The following HKDC1 variants were observed in gnomAD, a reference collection of about 807,000 sequenced individuals.
HKDC1 encodes the protein hexokinase domain containing 1, also known as hexokinase HKDC1.
In HKDC1, 66 loss-of-function variants were observed where a neutral mutation model predicts 96.6. The ratio of observed to expected loss-of-function variants is 0.68; its 90% CI spans 0.56 to 0.84. HKDC1 has a LOEUF of 0.84. HKDC1 is among the 40% of genes least tolerant of loss of function. The pLI, the probability that HKDC1 is intolerant of heterozygous loss-of-function variation, is 0.00. For synonymous variants in HKDC1, 466 were observed against 473.1 expected (o/e 0.98, Z 0.20); for missense variants, 1,211 against 1,208.1 (o/e 1.00, Z -0.04).
chr10:69,261,487 T>A, intron 16 of HKDC1, 193 bp downstream of exon 16: 1 of 552,398 alleles, frequency 1.8e-6, no homozygotes, highest in Non-Finnish European at 3.2e-6. Context: ...ATGGCCAAAC[T>A]GGGCTCATCT....
At position 69,258,845 on chromosome 10, in the gene HKDC1, A is replaced by G; in HGVS notation, c.2102A>G (p.Lys701Arg). 6.2e-7 allele frequency: 1 copy of G among 1,614,090 alleles called. No individual in the cohort carries two copies. Among genetic ancestry groups the G allele is most frequent in the Non-Finnish European group, 8.5e-7 (1 of 1,179,988 alleles). Residue 701 changes from lysine to arginine, a missense_variant, in exon 15 of 18, where the codon AAG (lysine) becomes AGG (arginine). By Grantham distance (26) the Lys-to-Arg change is conservative (BLOSUM62 2). Transcript: ENST00000354624. ...GAGATGGTGGAGGGGGGTGAAGGGA[A>G]GATGTGCATCAATACAGAGTGGGGA... ...NIEMVEGGEG[K>R]MCINTEWGGF... is the part of the protein sequence containing the mutation.
intron 8 of HKDC1, 139 bp from the exon 9 acceptor site, chr10:69,247,221 T>C: frequency 1.6e-6 from 1 of 627,272 alleles, no homozygotes; most frequent in South Asian, 1.9e-5. Flanking sequence ...ACTATCAATG[T>C]TGATATTGTT....
chr10:69,235,682 C>T (rs985799748), intron 4 of HKDC1, among the ~76,000 whole-genome samples: 1 of 152,150 alleles, frequency 6.6e-6, no homozygotes, highest in African/African-American at 2.4e-5. Context: ...AATTCTCAAG[C>T]TCTGTGAGAA....
At chr10:69,249,824 T>C (rs1207731949) in intron 10 of HKDC1, among the ~76,000 whole-genome samples, 2 of 152,210 alleles carry the variant, frequency 1.3e-5, no homozygotes, top group African/African-American at 4.8e-5. Context: ...ATAAGAATCA[T>C]GCATTTCCTT....
chr10:69,263,492 C>A (rs1843842603), intron 16 of HKDC1, among the ~76,000 whole-genome samples: 1 of 152,148 alleles, frequency 6.6e-6, no homozygotes, highest in Admixed American at 6.5e-5. Flanking sequence ...GACTGCAGCC[C>A]ATTTCAAAGC....
At position 69,248,692 on chromosome 10, in the gene HKDC1, C is replaced by T. The variant is rs142278907; in HGVS notation, c.1534C>T (p.Leu512=). The T allele has an allele frequency of 2.5e-6, 4 of 1,613,118 alleles. No homozygotes were observed. Among genetic ancestry groups the T allele is most frequent in the Non-Finnish European group, 3.4e-6 (4 of 1,179,384 alleles). ...CCACGGGCTGGCCACGGTCAGGATG[C>T]TGCCCACCTACGTCTGCGGGCTGCC... ...KSHGLATVRM[L]PTYVCGLPDG... is the part of the protein sequence containing the mutation. The change falls in exon 10 of 18, where the codon CTG becomes TTG. Residue 512 remains leucine, a synonymous_variant. Coordinates refer to ENST00000354624, the MANE Select transcript of HKDC1 (RefSeq NM_025130.4).
intron 10 of HKDC1, among the ~76,000 whole-genome samples, chr10:69,249,884 C>T (rs757156863): frequency 6.6e-6 from 1 of 152,172 alleles, no homozygotes; most frequent in Non-Finnish European, 1.5e-5. Context: ...GGCTGTCAGT[C>T]AGTGAAGCTG....
rs1843286715 is a variant in HKDC1 at position 69,232,746 on chromosome 10, G to A, written c.227-18G>A. ...AGTAGACCCTCAATAAATGGAAACT[G>A]AATTTGTTTCTTAATAGAAAATGGG... On this transcript the variant is annotated intron_variant, in intron 2 of 17. Transcript: ENST00000354624. The A allele has an allele frequency of 6.2e-7, 1 of 1,613,150 alleles. No homozygotes were observed. The highest frequency in any genetic ancestry group is 8.5e-7 in the Non-Finnish European group (1 of 1,179,270).
chr10:69,250,771 C>T (rs1008902243), intron 12 of HKDC1, 119 bp downstream of exon 12: 2 of 1,071,522 alleles, frequency 1.9e-6, no homozygotes. Context: ...TTCAGGGCAG[C>T]TGGGAACACA....
At position 69,248,520 on chromosome 10, in the gene HKDC1, C is replaced by T. The variant is rs748926850; in HGVS notation, c.1362C>T (p.Ala454=). Residue 454 remains alanine, a synonymous_variant, in exon 10 of 18, where the codon GCC becomes GCT. Transcript: ENST00000354624. ...LSESGSTKGA[A]MVTAVASRVQ... ...AGAGTGGCAGCACCAAGGGGGCCGC[C>T]ATGGTGACCGCGGTGGCCTCCCGCG... 4 of 1,613,552 alleles carry T rather than the reference C, an allele frequency of 2.5e-6. No homozygotes were observed. In the East Asian group the frequency reaches 6.7e-5, roughly 27 times the overall value.
rs772902487 is a variant in HKDC1, at chr10:69,240,683, A to G, written c.623A>G (p.Asn208Ser). The G allele has an allele frequency of 3.1e-6, 5 of 1,614,024 alleles. No individual in the cohort carries two copies. The highest frequency in any genetic ancestry group is 1.1e-5 in the South Asian group (1 of 91,070). The change falls in exon 6 of 18, where the codon AAT becomes AGT. Residue 208 changes from asparagine (N) to serine (S), a missense_variant. Physicochemically the swap from Asn to Ser is conservative, Grantham distance 46. Transcript: ENST00000354624. ...DMDVDILALVNDTVGTMMTCA... is the reference protein window; with the variant it reads ...DMDVDILALVSDTVGTMMTCA... ...GACGTGGACATCCTGGCCCTGGTCAATGACACCGTGGGGACCATGATGACC... is the reference window on the plus strand; with the variant it reads ...GACGTGGACATCCTGGCCCTGGTCAGTGACACCGTGGGGACCATGATGACC...
At chr10:69,256,581 G>A (rs555493570) in intron 12 of HKDC1, among the ~76,000 whole-genome samples, 97 of 152,276 alleles carry the variant, frequency 6.4e-4, no homozygotes, top group African/African-American at 2.2e-3. Flanking sequence ...GGTGGCACAT[G>A]CCAGTAATCC....
chr10:69,251,347 C>T (rs375059109), intron 12 of HKDC1, among the ~76,000 whole-genome samples: 35 of 152,050 alleles, frequency 2.3e-4, no homozygotes, highest in African/African-American at 7.2e-4. Context: ...CTACCTGTCT[C>T]GGCCTCCCAA....
At chr10:69,228,942 G>GAGAA (rs543794293) in intron 2 of HKDC1, among the ~76,000 whole-genome samples, 3 of 151,240 alleles carry the variant, frequency 2.0e-5, no homozygotes, top group Non-Finnish European at 4.4e-5. Flanking sequence ...AAAGAAGAAA[G>GAGAA]AGAAAGAAAG....
chr10:69,222,484 C>T (rs1201003467), intron 1 of HKDC1, among the ~76,000 whole-genome samples: 2 of 152,226 alleles, frequency 1.3e-5, no homozygotes, highest in African/African-American at 2.4e-5. Flanking sequence ...CTCCCACCCC[C>T]AAGGGGGAGC....
At position 69,250,560 on chromosome 10, in the gene HKDC1, G is replaced by T. The variant is rs780647583; in HGVS notation, c.1744G>T (p.Ala582Ser). ...ELFDHIVQCIADFLDYMGLKG... is the reference protein window; with the variant it reads ...ELFDHIVQCISDFLDYMGLKG... ...CTTTGATCACATTGTGCAGTGCATC[G>T]CCGACTTCCTGGACTACATGGGCCT... is the stretch of plus-strand genomic sequence containing the variant. Residue 582 changes from alanine to serine, a missense_variant, in exon 12 of 18, where the codon GCC (alanine) becomes TCC (serine). Transcript: ENST00000354624. 2.5e-6 allele frequency: 4 copies of T among 1,613,900 alleles called. No individual in the cohort carries two copies. Among genetic ancestry groups the T allele is most frequent in the Non-Finnish European group, 3.4e-6 (4 of 1,180,022 alleles).
At chr10:69,251,164 G>A (rs1182137173) in intron 12 of HKDC1, among the ~76,000 whole-genome samples, 10 of 141,444 alleles carry the variant, frequency 7.1e-5, no homozygotes, top group East Asian at 6.2e-4. Flanking sequence ...GCGTGATCTC[G>A]GCTCACTGCA....
At position 69,247,421 on chromosome 10, in the gene HKDC1, G is replaced by A; in HGVS notation, c.1093G>A (p.Glu365Lys). The change falls in exon 9 of 18, where the codon GAG (glutamate) becomes AAG (lysine). Residue 365 changes from glutamate to lysine, a missense_variant. Physicochemically the swap from Glu to Lys is moderately conservative, Grantham distance 56. Transcript: ENST00000354624. ...ILVDLGLEPS[E>K]ADCIAVQHVC... ...GGTGGACCTGGGTCTGGAACCGTCTGAGGCTGACTGCATTGCCGTCCAGCA... is the reference window on the plus strand; with the variant it reads ...GGTGGACCTGGGTCTGGAACCGTCTAAGGCTGACTGCATTGCCGTCCAGCA... The A allele has an allele frequency of 6.2e-7, 1 of 1,613,976 alleles. No homozygotes were observed. The highest frequency in any genetic ancestry group is 1.1e-5 in the South Asian group (1 of 91,068).
chr10:69,256,025 G>A (rs1333455000), intron 12 of HKDC1, among the ~76,000 whole-genome samples: 2 of 152,006 alleles, frequency 1.3e-5, no homozygotes, highest in Non-Finnish European at 2.9e-5. Context: ...AAAGGAGAGA[G>A]GAAAAGTGAT....
Sources: gnomAD v4.1 joint callset for allele counts (sites outside exome capture counted in the v4.1 genomes callset) on GRCh38, gnomAD v4.1.1 for gene constraint, MANE v1.5 for transcripts, NCBI Gene and HGNC (gene_info 2026-07-23, HGNC 2026-07-21) for gene names.